Variants in TNFSF4 observed in about 807,000 individuals in gnomAD.
TNFSF4 encodes the protein tumor necrosis factor ligand superfamily member 4.
TNFSF4 carries 4 observed loss-of-function variants against 7.3 expected under a neutral mutation model. The observed-to-expected ratio is 0.55, with a 90% confidence interval of 0.27 to 1.25. The LOEUF is 1.25. TNFSF4 is among the 50% of genes most tolerant of loss of function. The pLI is 0.12. For synonymous variants in TNFSF4, 76 were observed against 83.7 expected (o/e 0.91, Z 0.50); for missense variants, 181 against 208.8 (o/e 0.87, Z 0.82).
chr1:173,213,578 CA>C, the TNFSF4 span, among the ~76,000 whole-genome samples: 1 of 151,948 alleles, frequency 6.6e-6, no homozygotes. Flanking sequence ...TTTTCTTTTT[CA>C]AAAAAATCAA....
At chr1:173,280,288 C>T in the TNFSF4 span, among the ~76,000 whole-genome samples, 3 of 152,196 alleles carry the variant, frequency 2.0e-5, no homozygotes, top group Non-Finnish European at 4.4e-5. Flanking sequence ...ACCATTTTAC[C>T]AATTACACCA....
At chr1:173,416,265 A>G in the TNFSF4 span, among the ~76,000 whole-genome samples, 6 of 152,246 alleles carry the variant, frequency 3.9e-5, no homozygotes, top group Non-Finnish European at 5.9e-5. Context: ...TCTGGCCTAC[A>G]GCTGGGGCTC....
the TNFSF4 span, among the ~76,000 whole-genome samples, chr1:173,273,767 A>G: frequency 6.6e-6 from 1 of 152,120 alleles, no homozygotes; most frequent in Non-Finnish European, 1.5e-5. Flanking sequence ...AAAGATCAAG[A>G]TTCAAAGTAA....
chr1:173,374,982 C>A, the TNFSF4 span, among the ~76,000 whole-genome samples: 2 of 152,152 alleles, frequency 1.3e-5, no homozygotes, highest in Non-Finnish European at 2.9e-5. Flanking sequence ...CCTTACTCTG[C>A]AATCCCAAAT....
At chr1:173,193,856 C>T (rs992322165) in intron 1 of TNFSF4, among the ~76,000 whole-genome samples, 2 of 151,638 alleles carry the variant, frequency 1.3e-5, no homozygotes, top group African/African-American at 4.9e-5. Flanking sequence ...AATGTACAAG[C>T]GTCATGTCTG....
chr1:173,355,216 A>G, the TNFSF4 span, among the ~76,000 whole-genome samples: 1 of 152,120 alleles, frequency 6.6e-6, no homozygotes, highest in African/African-American at 2.4e-5. Flanking sequence ...GATCCTTGTG[A>G]TGATATTGGG....
the TNFSF4 span, among the ~76,000 whole-genome samples, chr1:173,339,924 A>T: frequency 6.6e-6 from 1 of 152,156 alleles, no homozygotes; most frequent in African/African-American, 2.4e-5. Context: ...GTGTGCCTGG[A>T]TATTTGCTCA....
In TNFSF4 at chr1:173,205,340, C is replaced by T. The variant is rs777571136; in HGVS notation, c.153+1684G>A. 6 of 1,612,040 alleles carry T rather than the reference C, an allele frequency of 3.7e-6. No individual in the cohort carries two copies. The East Asian group carries it at 8.9e-5, about 24-fold the overall frequency. On this transcript the variant is annotated intron_variant, in intron 1 of 2. Coordinates refer to ENST00000281834, the MANE Select transcript of TNFSF4 (RefSeq NM_003326.5). Reference sequence around the variant, plus strand: ...AGGTTTAGTGTCCTAGAAACCAGCACCCTGCTTTTCTTCCCACAGCTTTCC... The same window carrying T: ...AGGTTTAGTGTCCTAGAAACCAGCATCCTGCTTTTCTTCCCACAGCTTTCC...
chr1:173,272,821 C>T, the TNFSF4 span, among the ~76,000 whole-genome samples: 12,844 of 152,184 alleles, frequency 0.084, 629 homozygotes, highest in Middle Eastern at 0.12. Flanking sequence ...CAGGGTCCCA[C>T]TGGTAAAACT....
At chr1:173,408,438 G>T in the TNFSF4 span, among the ~76,000 whole-genome samples, 4 of 152,144 alleles carry the variant, frequency 2.6e-5, no homozygotes, top group African/African-American at 9.7e-5. Context: ...AAGAAAGTAA[G>T]TTTTTTCTTA....
At chr1:173,432,128 A>C in the TNFSF4 span, among the ~76,000 whole-genome samples, 1 of 152,214 alleles carries the variant, frequency 6.6e-6, no homozygotes, top group African/African-American at 2.4e-5. Context: ...GAAGCAAGAC[A>C]CATCACTTCC....
At chr1:173,313,563 C>A in the TNFSF4 span, among the ~76,000 whole-genome samples, 1 of 152,020 alleles carries the variant, frequency 6.6e-6, no homozygotes, top group Non-Finnish European at 1.5e-5. Flanking sequence ...CAAAAAAGTA[C>A]AAGACACTTT....
chr1:173,335,912 T>A, the TNFSF4 span, among the ~76,000 whole-genome samples: 2 of 152,238 alleles, frequency 1.3e-5, no homozygotes, highest in Non-Finnish European at 2.9e-5. Context: ...TACTGAACAC[T>A]GGTTCTGAAC....
the TNFSF4 span, among the ~76,000 whole-genome samples, chr1:173,319,786 C>G: frequency 6.6e-6 from 1 of 152,188 alleles, no homozygotes; most frequent in South Asian, 2.1e-4. Context: ...AGAAGAAAAA[C>G]TAACAAACAG....
the TNFSF4 span, among the ~76,000 whole-genome samples, chr1:173,300,156 G>C: frequency 7.6e-6 from 1 of 131,966 alleles, no homozygotes; most frequent in African/African-American, 3.2e-5. Flanking sequence ...ATAGATGATT[G>C]ATAGATACAT....
chr1:173,305,231 G>GA, the TNFSF4 span, among the ~76,000 whole-genome samples: 38 of 151,818 alleles, frequency 2.5e-4, no homozygotes, highest in African/African-American at 9.2e-4. Flanking sequence ...CACAATTTTG[G>GA]AAAAAATCTT....
At chr1:173,293,261 T>C in the TNFSF4 span, among the ~76,000 whole-genome samples, 2 of 151,900 alleles carry the variant, frequency 1.3e-5, no homozygotes, top group Non-Finnish European at 1.5e-5. Flanking sequence ...TGGTATTTAA[T>C]ACAAAAACAG....
downstream of TNFSF4, among the ~76,000 whole-genome samples, chr1:173,179,356 G>A (rs1259032206): frequency 3.3e-5 from 5 of 152,256 alleles, no homozygotes; most frequent in East Asian, 7.7e-4. Context: ...TAGAAAAATG[G>A]CTGTCCCTTC....
At chr1:173,213,805 T>C in the TNFSF4 span, among the ~76,000 whole-genome samples, 1 of 152,216 alleles carries the variant, frequency 6.6e-6, no homozygotes, top group Non-Finnish European at 1.5e-5. Flanking sequence ...TCAGAATAAA[T>C]CCAACTGAGT....
Sources: gnomAD v4.1 joint callset for allele counts (sites outside exome capture counted in the v4.1 genomes callset) on GRCh38, gnomAD v4.1.1 for gene constraint, MANE v1.5 for transcripts, NCBI Gene and HGNC (gene_info 2026-07-23, HGNC 2026-07-21) for gene names.